RIMBP2: variants seen among roughly 807,000 people sequenced by gnomAD.
The protein encoded by RIMBP2 is RIMS-binding protein 2.
RIMBP2 carries 48 observed loss-of-function variants against 118.6 expected under a neutral mutation model. The ratio of observed to expected loss-of-function variants is 0.40; its 90% CI spans 0.32 to 0.51. The LOEUF (loss-of-function observed/expected upper bound fraction) is 0.51. Among genes scored for constraint, RIMBP2 ranks in the 20% least tolerant of loss-of-function variants. The probability of loss-of-function intolerance (pLI) is 0.41; values close to 1 mark genes in which losing one functional copy is unlikely to be tolerated. For missense variants in RIMBP2, 1,551 were observed against 1,768.3 expected (o/e 0.88, Z 2.20); for synonymous variants, 762 against 742.9 (o/e 1.03, Z -0.42).
chr12:130,685,779 G>A (rs2136601430), intron 1 of RIMBP2, among the ~76,000 whole-genome samples: 2 of 152,282 alleles, frequency 1.3e-5, no homozygotes, highest in African/African-American at 4.8e-5. Flanking sequence ...GCCCTGCTCT[G>A]TTTACCTATG....
intron 10 of RIMBP2, among the ~76,000 whole-genome samples, chr12:130,444,464 A>G (rs1405333012): frequency 6.6e-6 from 1 of 152,140 alleles, no homozygotes; most frequent in Non-Finnish European, 1.5e-5. Flanking sequence ...GCTCAGGGGG[A>G]AGAGGAAGAA....
chr12:130,536,172 CA>C (rs1323093455), intron 2 of RIMBP2, among the ~76,000 whole-genome samples: 3 of 151,914 alleles, frequency 2.0e-5, no homozygotes, highest in African/African-American at 7.3e-5. Context: ...GTGGTATGTA[CA>C]AAAATGAGAG....
intron 4 of RIMBP2, among the ~76,000 whole-genome samples, chr12:130,479,235 C>T (rs1309919387): frequency 6.6e-6 from 1 of 152,248 alleles, no homozygotes; most frequent in Non-Finnish European, 1.5e-5. Context: ...CCACCTGCCA[C>T]TTCTCCTCTG....
intron 2 of RIMBP2, among the ~76,000 whole-genome samples, chr12:130,596,329 T>C (rs915604956): frequency 3.9e-5 from 6 of 152,062 alleles, no homozygotes; most frequent in Non-Finnish European, 8.8e-5. Context: ...GTTACTTTCA[T>C]CTCCTCATAC....
intron 2 of RIMBP2, among the ~76,000 whole-genome samples, chr12:130,569,493 A>G (rs748517950): frequency 1.3e-5 from 2 of 152,226 alleles, no homozygotes; most frequent in South Asian, 2.1e-4. Flanking sequence ...ACCTGTCTAC[A>G]TAAACTGACA....
At chr12:130,706,580 T>C (rs2066132591) in intron 1 of RIMBP2, among the ~76,000 whole-genome samples, 1 of 152,204 alleles carries the variant, frequency 6.6e-6, no homozygotes, top group Non-Finnish European at 1.5e-5. Flanking sequence ...CAGCATGGCG[T>C]AGTGGCCAGG....
chr12:130,608,682 T>A (rs2140535240), intron 2 of RIMBP2, among the ~76,000 whole-genome samples: 1 of 152,322 alleles, frequency 6.6e-6, no homozygotes, highest in South Asian at 2.1e-4. Flanking sequence ...AGGACTCTGA[T>A]TTTGTATGAG....
At chr12:130,668,781 G>GTGCCA (rs1357986288) in intron 1 of RIMBP2, among the ~76,000 whole-genome samples, 5 of 152,162 alleles carry the variant, frequency 3.3e-5, no homozygotes, top group Non-Finnish European at 5.9e-5. Context: ...AGCACAAGCT[G>GTGCCA]TGCCATGCCA....
chr12:130,644,113 T>C lies in RIMBP2; in HGVS notation c.-351-15657A>G, dbSNP rs192360177. 1.9e-3 allele frequency among the ~76,000 whole-genome samples: 287 copies of C among 152,234 alleles called. 2 individuals carry two copies. The highest frequency in any genetic ancestry group is 3.1e-3 in the Non-Finnish European group (211 of 68,020). On this transcript the variant is annotated intron_variant, in intron 1 of 22. Coordinates refer to ENST00000690449, the MANE Select transcript of RIMBP2 (RefSeq NM_001393629.1). ...TCCTGATGGACATGAAGGATTCCGC[T>C]CTCACTGGCAGAAAAGCTATACTGT... is the stretch of plus-strand genomic sequence containing the variant.
At chr12:130,612,284 G>A (rs1045488793) in intron 2 of RIMBP2, among the ~76,000 whole-genome samples, 5 of 152,162 alleles carry the variant, frequency 3.3e-5, no homozygotes, top group African/African-American at 9.7e-5. Context: ...GGCTGAGTGC[G>A]GCCCCGGGTG....
chr12:130,583,987 G>GTCACCACCATTACATCACCA (rs1415896179), intron 2 of RIMBP2, among the ~76,000 whole-genome samples: 2 of 130,162 alleles, frequency 1.5e-5, no homozygotes, highest in African/African-American at 2.9e-5. Flanking sequence ...CATCATCACC[G>GTCACCACCATTACATCACCA]TCACCACCAT....
intron 1 of RIMBP2, among the ~76,000 whole-genome samples, chr12:130,712,974 A>T (rs1950026954): frequency 6.6e-6 from 1 of 151,800 alleles, no homozygotes; most frequent in African/African-American, 2.4e-5. Context: ...GGAAAGATGG[A>T]TCCACACAGG....
At chr12:130,403,549 T>C (rs10773776) in intron 21 of RIMBP2, among the ~76,000 whole-genome samples, 32,578 of 152,124 alleles carry the variant, frequency 0.21, 4,307 homozygotes, top group South Asian at 0.3. Flanking sequence ...AAGATAACCA[T>C]TTAAGCAAAT....
In RIMBP2 at chr12:130,438,388, C is replaced by CGGTATGCCG; in HGVS notation, c.1632_1633insCGGCATACC (p.Tyr544_Gly545insArgHisThr). ...ACCCTCTGCCCTTTGGCATACACGC[C>CGGTATGCCG]GTAGCCGGTAACGTTTGCGCCATTG... On this transcript the variant is annotated inframe_insertion, in exon 12 of 23. Transcript: ENST00000690449. 6.2e-7 allele frequency: 1 copy of CGGTATGCCG among 1,613,012 alleles called. No homozygotes were observed. Among genetic ancestry groups the CGGTATGCCG allele is most frequent in the Non-Finnish European group, 8.5e-7 (1 of 1,179,390 alleles).
At chr12:130,545,623 T>A (rs77496654) in intron 2 of RIMBP2, among the ~76,000 whole-genome samples, 7,632 of 152,194 alleles carry the variant, frequency 0.05, 322 homozygotes, top group East Asian at 0.22. Flanking sequence ...ATCAGGTGCG[T>A]CCCTCTAGAC....
In RIMBP2 at chr12:130,511,943, A is replaced by C. The variant is rs2050955463; in HGVS notation, c.-126-5173T>G. On this transcript the variant is annotated intron_variant, in intron 3 of 22. Coordinates refer to ENST00000690449, the MANE Select transcript of RIMBP2 (RefSeq NM_001393629.1). This position sits in a 1 kb window ranked among gnomAD's most constrained non-coding sequence, Gnocchi z 4.3. Reference sequence around the variant, plus strand: ...CACCTCTGGGCTTCCTGAGCACAACAGTGCCCTTCGTATGAAACCCACCAA... The same window carrying C: ...CACCTCTGGGCTTCCTGAGCACAACCGTGCCCTTCGTATGAAACCCACCAA... Among the ~76,000 whole-genome samples, 1 of 152,086 alleles carries C rather than the reference A, an allele frequency of 6.6e-6. No individual in the cohort carries two copies. Among genetic ancestry groups the C allele is most frequent in the African/African-American group, 2.4e-5 (1 of 41,408 alleles).
chr12:130,680,088 A>ACCGTGGGAAGGACCG (rs2064705869), intron 1 of RIMBP2, among the ~76,000 whole-genome samples: 3 of 151,744 alleles, frequency 2.0e-5, no homozygotes, highest in South Asian at 2.1e-4. Flanking sequence ...GGGAAGGACC[A>ACCGTGGGAAGGACCG]GCAAGTGAGA....
chr12:130,615,165 A>G lies in RIMBP2; in HGVS notation c.-217+13157T>C, dbSNP rs527288265. 5.4e-5 allele frequency among the ~76,000 whole-genome samples: 8 copies of G among 146,928 alleles called. 1 individual carries two copies. The South Asian group carries it at 8.4e-4, about 15-fold the overall frequency. On this transcript the variant is annotated intron_variant, in intron 2 of 22. Coordinates refer to ENST00000690449, the MANE Select transcript of RIMBP2 (RefSeq NM_001393629.1). ...TGTATATACATATATATTATATTGT[A>G]TATTATATAATATATATATTACAAT...
chr12:130,558,889 A>C (rs1021720078), intron 2 of RIMBP2, among the ~76,000 whole-genome samples: 4 of 152,212 alleles, frequency 2.6e-5, no homozygotes, highest in Admixed American at 2.6e-4. Flanking sequence ...CTTCCAAGTA[A>C]TTTATTGACT....
Sources: gnomAD v4.1 joint callset for allele counts (sites outside exome capture counted in the v4.1 genomes callset) on GRCh38, gnomAD v4.1.1 for gene constraint, Gnocchi (gnomAD v3.1) non-coding constraint, MANE v1.5 for transcripts, NCBI Gene and HGNC (gene_info 2026-07-23, HGNC 2026-07-21) for gene names.